Variants in KLC2 observed in about 807,000 individuals in gnomAD.
KLC2 encodes the protein KLC 2.
Under a neutral mutation model 75.1 loss-of-function variants are expected in KLC2, and 35 were observed. The ratio of observed to expected loss-of-function variants is 0.47; its 90% CI spans 0.36 to 0.62. The LOEUF (loss-of-function observed/expected upper bound fraction) is 0.62. Among genes scored for constraint, KLC2 ranks in the 20% least tolerant of loss-of-function variants. The probability of loss-of-function intolerance (pLI) is 0.00; values close to 1 mark genes in which losing one functional copy is unlikely to be tolerated. For missense variants in KLC2, 611 were observed against 833.2 expected (o/e 0.73, Z 3.28); for synonymous variants, 314 against 336.7 (o/e 0.93, Z 0.74).
intron 2 of KLC2, chr11:66,261,529 ACTCCCAAG>A (rs1304109311): frequency 1.9e-6 from 1 of 536,566 alleles, no homozygotes; most frequent in African/African-American, 1.9e-5. Context: ...GGAACTGGGG[ACTCCCAAG>A]CCTCCTGGGT....
intron 11 of KLC2, 109 bp downstream of exon 11, chr11:66,265,344 C>A: frequency 1.0e-6 from 1 of 955,666 alleles, no homozygotes; most frequent in Non-Finnish European, 1.6e-6. Context: ...TGGCAAGGCC[C>A]AACTCACAGG....
At chr11:66,258,391 G>C in intron 1 of KLC2, 193 bp from the exon 2 acceptor site, 1 of 585,484 alleles carries the variant, frequency 1.7e-6, no homozygotes, top group Non-Finnish European at 3.1e-6. Flanking sequence ...GCACCGCATT[G>C]CGTCTCCCAG....
In KLC2 at chr11:66,264,637, C is replaced by G. The variant is rs537632344; in HGVS notation, c.1216+193C>G. 1.2e-3 allele frequency: 701 copies of G among 605,050 alleles called. 2 individuals are homozygous for G. The Middle Eastern group carries it at 0.026, about 23-fold the overall frequency. 37.5% of individuals were successfully genotyped at this position (605,050 alleles called of 1,614,324 possible). ...ATGAGCACACACCCAACTCACGCAG[C>G]CCCCTTGGCCTGCTAGGGCCTCACA... On this transcript the variant is annotated intron_variant, in intron 9 of 15. Coordinates refer to ENST00000394067, the MANE Select transcript of KLC2 (RefSeq NM_001318734.2).
the KLC2 span, among the ~76,000 whole-genome samples, chr11:66,251,746 T>A: frequency 6.6e-6 from 1 of 152,314 alleles, no homozygotes; most frequent in East Asian, 1.9e-4. Context: ...CACTCCAGCC[T>A]GGGCAACAAG....
Position 66,261,954 on chromosome 11 carries a change from T to C in KLC2, c.441T>C (p.Asp147=). The C allele has an allele frequency of 6.2e-7, 1 of 1,614,068 alleles. No individual in the cohort carries two copies. The highest frequency in any genetic ancestry group is 1.3e-5 in the African/African-American group (1 of 75,040). ...TCATGAGCCAGATCCGCAAGTTGGA[T>C]GAAGACGCCTCCCCTAACGTGAGCT... is the stretch of plus-strand genomic sequence containing the variant. ...LLFMSQIRKL[D]EDASPNEEKG... is the part of the protein sequence containing the mutation. The change falls in exon 3 of 16, where the codon GAT becomes GAC. Residue 147 remains aspartate (D), a synonymous_variant. Coordinates refer to ENST00000394067, the MANE Select transcript of KLC2 (RefSeq NM_001318734.2).
chr11:66,263,782 C>G, intron 6 of KLC2, 35 bp downstream of exon 6: 3 of 1,602,650 alleles, frequency 1.9e-6, no homozygotes, highest in South Asian at 1.1e-5. Flanking sequence ...GGGGGCTGTG[C>G]CCCATCCCCT....
Position 66,258,744 on chromosome 11 carries a change from C to G in KLC2, c.150C>G (p.Ala50=). The G allele has an allele frequency of 6.2e-7, 1 of 1,613,336 alleles. No homozygotes were observed. The highest frequency in any genetic ancestry group is 8.5e-7 in the Non-Finnish European group (1 of 1,180,004). Residue 50 remains alanine (A), a synonymous_variant, in exon 2 of 16, where the codon GCC becomes GCG. Coordinates refer to ENST00000394067, the MANE Select transcript of KLC2 (RefSeq NM_001318734.2). ...APLVAPEAGE[A]EPGSQERCIL... ...TGGTTGCACCTGAGGCCGGCGAAGC[C>G]GAGCCTGGCTCGCAGGAGCGCTGCA...
chr11:66,246,774 G>C, the KLC2 span, among the ~76,000 whole-genome samples: 1 of 152,102 alleles, frequency 6.6e-6, no homozygotes, highest in Non-Finnish European at 1.5e-5. Context: ...TTCCACAGTT[G>C]CCAGTGACCT....
At chr11:66,265,408 C>T (rs1856752911) in intron 11 of KLC2, 173 bp downstream of exon 11, 1 of 699,182 alleles carries the variant, frequency 1.4e-6, no homozygotes, top group Admixed American at 2.9e-5. Flanking sequence ...TTCTCTGGCT[C>T]TGGGTCTCCC....
At chr11:66,250,080 T>C in the KLC2 span, among the ~76,000 whole-genome samples, 1 of 152,074 alleles carries the variant, frequency 6.6e-6, no homozygotes, top group Non-Finnish European at 1.5e-5. Flanking sequence ...AGTGCTCACA[T>C]CCCTCTTCCA....
the KLC2 span, among the ~76,000 whole-genome samples, chr11:66,250,278 G>A: frequency 6.1e-5 from 9 of 146,876 alleles, no homozygotes; most frequent in South Asian, 2.4e-4. Context: ...ACAAAGACCC[G>A]AGCCGCCGGA....
At position 66,267,513 on chromosome 11, in the gene KLC2, G is replaced by GA. The variant is rs1358052471; in HGVS notation, c.*558dup. 9 of 677,078 alleles carry GA rather than the reference G, an allele frequency of 1.3e-5. No homozygotes were observed. The highest frequency in any genetic ancestry group is 2.2e-5 in the Non-Finnish European group (8 of 363,056). 41.9% of individuals were successfully genotyped at this position (677,078 alleles called of 1,614,324 possible). On this transcript the variant is annotated 3_prime_UTR_variant, in exon 16 of 16. Transcript: ENST00000394067. ...GCGGCGCCTCCCAAGGGGGTCCTGG[G>GA]ACCTTCTCGCGCTCCTCCTGGCCTC...
chr11:66,256,335 G>A (rs1856036130), upstream of KLC2, among the ~76,000 whole-genome samples: 1 of 152,140 alleles, frequency 6.6e-6, no homozygotes, highest in African/African-American at 2.4e-5. Context: ...AGAGTTTGAG[G>A]TTACAGGCTG....
rs1489600233 is a variant in KLC2 at position 66,267,765 on chromosome 11, C to A, written c.*809C>A. 3 of 459,678 alleles carry A rather than the reference C, an allele frequency of 6.5e-6. No homozygotes were observed. Among genetic ancestry groups the A allele is most frequent in the South Asian group, 4.7e-5 (1 of 21,378 alleles). 28.5% of individuals were successfully genotyped at this position (459,678 alleles called of 1,614,324 possible). On this transcript the variant is annotated 3_prime_UTR_variant, in exon 16 of 16. Coordinates refer to ENST00000394067, the MANE Select transcript of KLC2 (RefSeq NM_001318734.2). ...GCTTCTCGCGAGGGGCGGCGACGGT[C>A]CCCTGGTGGCAGGAGGGGCTCCCCC... is the stretch of plus-strand genomic sequence containing the variant.
chr11:66,266,481 G>A lies in KLC2; in HGVS notation c.1776G>A (p.Glu592=), dbSNP rs1431888085. ...ACTTCCTCAACAAGAGCGTGGAAGA[G>A]CCGACCCAGGTAGGGGCAGGCGGGT... ...SLNFLNKSVE[E]PTQPGGTGLS... The change falls in exon 15 of 16, where the codon GAG becomes GAA. Residue 592 remains glutamate (E), a synonymous_variant. Transcript: ENST00000394067. 5.5e-5 allele frequency: 89 copies of A among 1,613,758 alleles called. No homozygotes were observed. Among genetic ancestry groups the A allele is most frequent in the Non-Finnish European group, 7.2e-5 (85 of 1,179,894 alleles).
chr11:66,252,397 T>C (rs1031050732), upstream of KLC2, among the ~76,000 whole-genome samples: 1 of 131,896 alleles, frequency 7.6e-6, no homozygotes, highest in Non-Finnish European at 1.8e-5. Flanking sequence ...GCCATTCTCC[T>C]GCCTCAGCCT....
upstream of KLC2, among the ~76,000 whole-genome samples, chr11:66,256,270 G>A (rs974338829): frequency 6.6e-6 from 1 of 151,946 alleles, no homozygotes; most frequent in Non-Finnish European, 1.5e-5. Flanking sequence ...GTAGTGGCAT[G>A]CACTTGTAGT....
chr11:66,266,344 C>A, intron 14 of KLC2, 89 bp from the exon 15 acceptor site: 1 of 1,488,200 alleles, frequency 6.7e-7, no homozygotes, highest in Non-Finnish European at 9.2e-7. Flanking sequence ...ACCCACCAGT[C>A]TGTTCCCTCC....
At chr11:66,250,118 A>T in the KLC2 span, among the ~76,000 whole-genome samples, 20 of 151,972 alleles carry the variant, frequency 1.3e-4, no homozygotes, top group African/African-American at 4.4e-4. Flanking sequence ...TTTTCCTTTA[A>T]GATGTGGCCT....
Sources: allele counts gnomAD v4.1 joint callset (sites outside exome capture counted in the v4.1 genomes callset), GRCh38; gene constraint gnomAD v4.1.1; transcripts MANE v1.5; gene names NCBI Gene and HGNC (gene_info 2026-07-23, HGNC 2026-07-21).